Variants in TENM2 observed in about 807,000 individuals in gnomAD.
TENM2 encodes teneurin-2.
A neutral mutation model predicts 245.2 loss-of-function variants in TENM2; 52 were observed. That is an observed-to-expected ratio of 0.21 (90% confidence interval 0.17 to 0.27). The LOEUF (loss-of-function observed/expected upper bound fraction) is 0.27, where lower values mean the gene tolerates loss of function less well. Among genes scored for constraint, TENM2 ranks in the 10% least tolerant of loss-of-function variants. The pLI is 1.00. For missense variants in TENM2, 3,046 were observed against 3,666.8 expected (o/e 0.83, Z 4.37); for synonymous variants, 1,363 against 1,438.9 (o/e 0.95, Z 1.19).
At chr5:167,544,664 C>T (rs1359234590) in intron 2 of TENM2, among the ~76,000 whole-genome samples, 1 of 152,118 alleles carries the variant, frequency 6.6e-6, no homozygotes, top group African/African-American at 2.4e-5. Context: ...TTTATTCATC[C>T]ATTCATCATT....
chr5:167,204,435 C>T, the TENM2 span, among the ~76,000 whole-genome samples: 1 of 152,146 alleles, frequency 6.6e-6, no homozygotes, highest in African/African-American at 2.4e-5. Flanking sequence ...CTGTTAGGCT[C>T]TCCAGATAAA....
rs989210225 is a variant in TENM2, at chr5:168,182,882, G to T, written c.2570-7455G>T. ...GTCTCACCCTGTCACCCAGCCTGGA[G>T]TGCAGTGATGCAATTGGGCCTCACT... On this transcript the variant is annotated intron_variant, in intron 13 of 28. Coordinates refer to ENST00000518659, the Ensembl canonical transcript of TENM2. 3.4e-5 allele frequency among the ~76,000 whole-genome samples: 5 copies of T among 147,116 alleles called. No individual in the cohort carries two copies. In the South Asian group the frequency reaches 1.1e-3, roughly 32 times the overall value.
At chr5:167,461,510 C>A (rs1448550352) in intron 2 of TENM2, among the ~76,000 whole-genome samples, 1 of 152,106 alleles carries the variant, frequency 6.6e-6, no homozygotes, top group African/African-American at 2.4e-5. Context: ...CACTGTGATG[C>A]CAACGTGCTG....
intron 2 of TENM2, among the ~76,000 whole-genome samples, chr5:167,872,788 T>G (rs1468053292): frequency 6.6e-6 from 1 of 152,246 alleles, no homozygotes; most frequent in Non-Finnish European, 1.5e-5. Context: ...GCTCTTCTAT[T>G]GTCTGTATTT....
chr5:167,906,452 T>C (rs999911118), intron 3 of TENM2, among the ~76,000 whole-genome samples: 41 of 152,150 alleles, frequency 2.7e-4, no homozygotes, highest in African/African-American at 9.9e-4. Context: ...AGCCCCTGAT[T>C]TTCTGAGAAA....
At chr5:167,788,229 C>T (rs747025787) in intron 2 of TENM2, among the ~76,000 whole-genome samples, 27 of 152,286 alleles carry the variant, frequency 1.8e-4, no homozygotes, top group East Asian at 7.7e-4. Context: ...CTCCAGTCCC[C>T]TCCTTCATAG....
chr5:167,694,192 A>T (rs1757614979), intron 2 of TENM2, among the ~76,000 whole-genome samples: 1 of 152,146 alleles, frequency 6.6e-6, no homozygotes, highest in African/African-American at 2.4e-5. Flanking sequence ...AAGTGAGCCC[A>T]TTTAACATCT....
chr5:167,051,557 A>G, the TENM2 span, among the ~76,000 whole-genome samples: 1 of 152,172 alleles, frequency 6.6e-6, no homozygotes, highest in Non-Finnish European at 1.5e-5. Flanking sequence ...GTGAAACAAA[A>G]TGGAAAACTC....
chr5:167,960,758 C>G (rs1460404230), intron 4 of TENM2, among the ~76,000 whole-genome samples: 1 of 152,206 alleles, frequency 6.6e-6, no homozygotes, highest in Non-Finnish European at 1.5e-5. Context: ...TAAAAAAACT[C>G]CTGCAGCTAA....
At chr5:167,782,399 T>A (rs1764259278) in intron 2 of TENM2, among the ~76,000 whole-genome samples, 2 of 150,428 alleles carry the variant, frequency 1.3e-5, no homozygotes, top group Admixed American at 6.6e-5. Flanking sequence ...TCATTGTTCA[T>A]CAAACTTGGC....
Position 168,047,554 on chromosome 5 carries a change from G to A in TENM2, c.1309+5G>A. ...CAATGCCATCTGGAGGCAAAGGTGA[G>A]GTTACAGCTGCTGCTTGCCCTCTTG... On this transcript the variant is annotated splice_donor_5th_base_variant and intron_variant, in intron 6 of 28. Coordinates refer to ENST00000518659, the Ensembl canonical transcript of TENM2. The A allele has an allele frequency of 4.5e-6, 7 of 1,551,606 alleles. No homozygotes were observed. Among genetic ancestry groups the A allele is most frequent in the Non-Finnish European group, 6.1e-6 (7 of 1,146,950 alleles).
At chr5:167,605,751 G>C (rs78733175) in intron 2 of TENM2, among the ~76,000 whole-genome samples, 3 of 152,304 alleles carry the variant, frequency 2.0e-5, no homozygotes, top group East Asian at 1.9e-4. Context: ...TTGATTGGCT[G>C]TTTTCTCCCC....
chr5:167,303,029 G>T (rs1755439707), intron 1 of TENM2: 1 of 152,710 alleles, frequency 6.5e-6, no homozygotes, highest in Non-Finnish European at 1.5e-5. Context: ...TTAAGAGAAG[G>T]GAGAGATTGA....
At chr5:167,342,630 C>T (rs1758182912) in intron 1 of TENM2, among the ~76,000 whole-genome samples, 1 of 148,930 alleles carries the variant, frequency 6.7e-6, no homozygotes, top group South Asian at 2.2e-4. Flanking sequence ...CGGGTTCACG[C>T]CATTCTCCTG....
At chr5:167,479,295 C>T (rs1207485103) in intron 2 of TENM2, among the ~76,000 whole-genome samples, 1 of 152,058 alleles carries the variant, frequency 6.6e-6, no homozygotes, top group East Asian at 1.9e-4. Context: ...GCATACAAAA[C>T]AGGGGAAATT....
At chr5:167,009,691 T>A in the TENM2 span, among the ~76,000 whole-genome samples, 6 of 150,494 alleles carry the variant, frequency 4.0e-5, no homozygotes, top group African/African-American at 9.8e-5. Flanking sequence ...CACATAAAAA[T>A]TTTTTTTTTC....
chr5:167,522,549 G>C (rs1347675991), intron 2 of TENM2, among the ~76,000 whole-genome samples: 1 of 151,590 alleles, frequency 6.6e-6, no homozygotes, highest in Non-Finnish European at 1.5e-5. Context: ...AATCCTTTAG[G>C]ATCTTTTGCC....
Position 168,247,419 on chromosome 5 carries a change from C to A in TENM2, c.6480C>A (p.Ile2160=). Residue 2160 remains isoleucine, a synonymous_variant, in exon 27 of 29, where the codon ATC becomes ATA. Coordinates refer to ENST00000518659, the Ensembl canonical transcript of TENM2. This position sits in a 1 kb window ranked among gnomAD's most constrained non-coding sequence, Gnocchi z 7.8. ...AACACTTCGACACCCATGGGCGGAT[C>A]AAGGAGGTCCAGTATGAGATGTTCC... is the stretch of plus-strand genomic sequence containing the variant. 1 of 1,613,926 alleles carries A rather than the reference C, an allele frequency of 6.2e-7. No individual in the cohort carries two copies.
intron 2 of TENM2, among the ~76,000 whole-genome samples, chr5:167,514,342 T>C (rs1164062486): frequency 6.6e-6 from 1 of 152,116 alleles, no homozygotes; most frequent in Non-Finnish European, 1.5e-5. Context: ...GTCAGGTAAA[T>C]GAGACCATAA....
Sources: allele counts gnomAD v4.1 joint callset (sites outside exome capture counted in the v4.1 genomes callset), GRCh38; gene constraint gnomAD v4.1.1; non-coding constraint Gnocchi (gnomAD v3.1); transcripts MANE v1.5; gene names NCBI Gene and HGNC (gene_info 2026-07-23, HGNC 2026-07-21).